The following HTR1F variants were observed in gnomAD, a reference collection of about 807,000 sequenced individuals.
The protein encoded by HTR1F is 5-hydroxytryptamine (serotonin) receptor 1F, G protein-coupled.
Under a neutral mutation model 24.0 loss-of-function variants are expected in HTR1F, and 17 were observed. The ratio of observed to expected loss-of-function variants is 0.71; its 90% CI spans 0.48 to 1.06. HTR1F has a LOEUF of 1.06. Among genes scored for constraint, HTR1F ranks in the 50% least tolerant of loss-of-function variants. HTR1F has a pLI of 0.00. For synonymous variants in HTR1F, 186 were observed against 156.8 expected, an observed-to-expected ratio of 1.19 and a Z score of -1.39; for missense variants, 391 against 427.8, an observed-to-expected ratio of 0.91 and a Z score of 0.76.
chr3:87,890,495 TGTAA>T (rs769552038), intron 2 of HTR1F, among the ~76,000 whole-genome samples: 22 of 151,012 alleles, frequency 1.5e-4, no homozygotes, highest in Non-Finnish European at 2.8e-4. Flanking sequence ...GAACAATGTA[TGTAA>T]GTAACTATCC....
chr3:87,961,096 A>G (rs1454423278), intron 2 of HTR1F, among the ~76,000 whole-genome samples: 1 of 152,078 alleles, frequency 6.6e-6, no homozygotes, highest in East Asian at 1.9e-4. Context: ...AGAGATGTCC[A>G]GTGGAAAGTA....
chr3:87,942,331 G>T (rs1006469152), intron 2 of HTR1F, among the ~76,000 whole-genome samples: 6 of 152,134 alleles, frequency 3.9e-5, no homozygotes, highest in African/African-American at 1.4e-4. Flanking sequence ...CAGATCTGGA[G>T]GACAGTTGTC....
At chr3:87,838,171 G>A (rs1172963229) in intron 2 of HTR1F, among the ~76,000 whole-genome samples, 1 of 152,024 alleles carries the variant, frequency 6.6e-6, no homozygotes, top group African/African-American at 2.4e-5. Flanking sequence ...TGACCATTAG[G>A]GAAGAAAGAT....
intron 2 of HTR1F, among the ~76,000 whole-genome samples, chr3:87,965,279 A>C (rs1488101174): frequency 1.3e-5 from 2 of 152,226 alleles, no homozygotes; most frequent in African/African-American, 4.8e-5. Context: ...ACTTGCAGAA[A>C]GTCTGAATTG....
chr3:87,864,891 C>CA lies in HTR1F; in HGVS notation c.-43+42782dup, dbSNP rs751380551. Among the ~76,000 whole-genome samples, 518 of 78,656 alleles carry CA rather than the reference C, an allele frequency of 6.6e-3. 1 individual carries two copies. The highest frequency in any genetic ancestry group is 0.017 in the Middle Eastern group (2 of 120). 51.6% of individuals were successfully genotyped at this position (78,656 alleles called of 152,430 possible). On this transcript the variant is annotated intron_variant, in intron 2 of 2. Transcript: ENST00000319595. ...AGCCTGGGTGAGCAAGACTTCATCT[C>CA]AAAAAAAAAAAAAAAGAAAAGAAAA...
chr3:87,822,328 T>C (rs534293985), intron 2 of HTR1F, among the ~76,000 whole-genome samples: 252 of 152,222 alleles, frequency 1.7e-3, no homozygotes, highest in African/African-American at 3.2e-3. Context: ...GAAGGATGGG[T>C]CCAGGAGCCT....
intron 2 of HTR1F, among the ~76,000 whole-genome samples, chr3:87,880,646 T>TTG (rs10540515): frequency 0.16 from 23,915 of 147,134 alleles, 2,073 homozygotes; most frequent in East Asian, 0.22. Flanking sequence ...GTGTGTTTGT[T>TTG]TGTGTGTGTG....
chr3:87,987,799 ATATGTATT>A (rs1281120164), intron 2 of HTR1F, among the ~76,000 whole-genome samples: 1 of 135,948 alleles, frequency 7.4e-6, no homozygotes, highest in African/African-American at 3.1e-5. Flanking sequence ...TATATAAAAT[ATATGTATT>A]ATATATGTAT....
chr3:87,799,551 C>T (rs1032985996), intron 1 of HTR1F, among the ~76,000 whole-genome samples: 1 of 152,128 alleles, frequency 6.6e-6, no homozygotes, highest in Non-Finnish European at 1.5e-5. Context: ...GAGCCCGAGG[C>T]TGATATTCTG....
intron 2 of HTR1F, among the ~76,000 whole-genome samples, chr3:87,974,853 A>G (rs1380110374): frequency 6.6e-6 from 1 of 152,180 alleles, no homozygotes; most frequent in African/African-American, 2.4e-5. Flanking sequence ...TGATTGATTG[A>G]TGCTCAAAAC....
chr3:87,932,678 T>C (rs1232454845), intron 2 of HTR1F, among the ~76,000 whole-genome samples: 21 of 152,022 alleles, frequency 1.4e-4, no homozygotes, highest in African/African-American at 2.4e-4. Context: ...CTGAATAGAC[T>C]AATAACAGGA....
At chr3:87,867,439 A>G (rs897457237) in intron 2 of HTR1F, among the ~76,000 whole-genome samples, 2 of 151,840 alleles carry the variant, frequency 1.3e-5, no homozygotes, top group Non-Finnish European at 2.9e-5. Context: ...AATGGGGGGA[A>G]AAAACAAGAC....
chr3:87,836,145 G>A (rs937011722), intron 2 of HTR1F, among the ~76,000 whole-genome samples: 2 of 152,164 alleles, frequency 1.3e-5, no homozygotes, highest in African/African-American at 4.8e-5. Flanking sequence ...CCATGCTAGT[G>A]TTCAGCTTCC....
At chr3:87,919,351 A>G (rs979976152) in intron 2 of HTR1F, among the ~76,000 whole-genome samples, 14 of 152,088 alleles carry the variant, frequency 9.2e-5, no homozygotes, top group African/African-American at 3.4e-4. Context: ...AGCAAATGCA[A>G]TAACAACAAA....
intron 2 of HTR1F, among the ~76,000 whole-genome samples, chr3:87,877,447 G>C (rs946249090): frequency 1.3e-5 from 2 of 151,898 alleles, no homozygotes; most frequent in Non-Finnish European, 2.9e-5. Context: ...ACTATAAATG[G>C]GGGATTACTA....
intron 2 of HTR1F, among the ~76,000 whole-genome samples, chr3:87,887,204 G>C (rs1392929111): frequency 2.6e-5 from 4 of 152,082 alleles, no homozygotes; most frequent in Non-Finnish European, 5.9e-5. Context: ...TTGAAAACCT[G>C]ACAAAAACAA....
intron 2 of HTR1F, among the ~76,000 whole-genome samples, chr3:87,959,920 A>T (rs1424340519): frequency 6.6e-6 from 1 of 151,952 alleles, no homozygotes; most frequent in Non-Finnish European, 1.5e-5. Context: ...TAAATTGTTT[A>T]TTTTCCATCT....
chr3:87,961,640 T>G (rs1705062382), intron 2 of HTR1F, among the ~76,000 whole-genome samples: 1 of 152,030 alleles, frequency 6.6e-6, no homozygotes, highest in African/African-American at 2.4e-5. Context: ...AAAATTTTTT[T>G]GAACTTTAAT....
At chr3:87,916,309 G>GAAAAAAAAAAAAAAAAAAAAAA (rs34801984) in intron 2 of HTR1F, among the ~76,000 whole-genome samples, 1 of 111,066 alleles carries the variant, frequency 9.0e-6, no homozygotes, top group Non-Finnish European at 1.8e-5. Context: ...AAGCAAAAAA[G>GAAAAAAAAAAAAAAAAAAAAAA]AAAAAAAAAA....
Sources: gnomAD v4.1 joint callset for allele counts (sites outside exome capture counted in the v4.1 genomes callset) on GRCh38, gnomAD v4.1.1 for gene constraint, MANE v1.5 for transcripts, NCBI Gene and HGNC (gene_info 2026-07-23, HGNC 2026-07-21) for gene names.